CHRNA7: variants seen among roughly 807,000 people sequenced by gnomAD.
CHRNA7 encodes the protein cholinergic receptor nicotinic alpha 7 subunit.
Under a neutral mutation model 48.0 loss-of-function variants are expected in CHRNA7, and 17 were observed. The ratio of observed to expected loss-of-function variants is 0.35; its 90% CI spans 0.24 to 0.53. The LOEUF is 0.53. Among genes scored for constraint, CHRNA7 ranks in the 20% least tolerant of loss-of-function variants. CHRNA7 has a pLI of 0.92. For missense variants in CHRNA7, 155 were observed against 577.7 expected, an observed-to-expected ratio of 0.27 and a Z score of 7.50; for synonymous variants, 75 against 242.3, an observed-to-expected ratio of 0.31 and a Z score of 6.41.
intron 2 of CHRNA7, among the ~76,000 whole-genome samples, chr15:32,062,929 A>ATGGT (rs1332285812): frequency 6.6e-6 from 1 of 152,230 alleles, no homozygotes; most frequent in Non-Finnish European, 1.5e-5. Flanking sequence ...CTTAGGCTAT[A>ATGGT]TGGTAGAGCC....
At position 32,074,637 on chromosome 15, in the gene CHRNA7, A is replaced by ATTATTATTAT. The variant is rs2050107804; in HGVS notation, c.196-26665_196-26664insTATTATTATT. On this transcript the variant is annotated intron_variant, in intron 2 of 9. Transcript: ENST00000306901. ...GCTCTTGATATGAATCACATTATTA[A>ATTATTATTAT]TATTATTATTATTATTATTATTATT... is the stretch of plus-strand genomic sequence containing the variant. Among the ~76,000 whole-genome samples the ATTATTATTAT allele has an allele frequency of 2.1e-5, 3 of 141,770 alleles. No homozygotes were observed. In the Admixed American group the frequency reaches 2.1e-4, roughly 10 times the overall value. The allele number at this position is 141,770 out of a possible 152,430, so 93.0% of individuals were successfully genotyped here.
At chr15:32,045,510 A>C (rs1427098398) in intron 2 of CHRNA7, among the ~76,000 whole-genome samples, 1 of 151,920 alleles carries the variant, frequency 6.6e-6, no homozygotes, top group Non-Finnish European at 1.5e-5. Context: ...AAATACAGAG[A>C]ATTTACTAGA....
chr15:32,044,191 A>G (rs1243496265), intron 2 of CHRNA7, among the ~76,000 whole-genome samples: 1 of 152,044 alleles, frequency 6.6e-6, no homozygotes, highest in Non-Finnish European at 1.5e-5. Flanking sequence ...GACTTATTGA[A>G]TCTGTTCCTT....
chr15:32,050,102 G>T (rs1218268696), intron 2 of CHRNA7, among the ~76,000 whole-genome samples: 1 of 152,054 alleles, frequency 6.6e-6, no homozygotes, highest in Admixed American at 6.6e-5. Flanking sequence ...TTCCACTTTG[G>T]TGAATCTGAC....
intron 2 of CHRNA7, among the ~76,000 whole-genome samples, chr15:32,037,352 T>G (rs1902142210): frequency 6.6e-6 from 1 of 152,200 alleles, no homozygotes; most frequent in African/African-American, 2.4e-5. Flanking sequence ...AGTCTTGAAG[T>G]TTGGTAGTAT....
rs574598847 is a variant in CHRNA7 at position 32,048,942 on chromosome 15, A to C, written c.195+17905A>C. Among the ~76,000 whole-genome samples the C allele has an allele frequency of 6.7e-3, 1,006 of 150,576 alleles. 3 individuals are homozygous for C. Among genetic ancestry groups the C allele is most frequent in the Non-Finnish European group, 0.01 (701 of 67,892 alleles). On this transcript the variant is annotated intron_variant, in intron 2 of 9. Coordinates refer to ENST00000306901, the MANE Select transcript of CHRNA7 (RefSeq NM_000746.6). ...TTCGTTATGTACCCAGTAGTCATTCAGGAGCAGGTTGTTCAGTTTCCACGT... is the reference window on the plus strand; with the variant it reads ...TTCGTTATGTACCCAGTAGTCATTCCGGAGCAGGTTGTTCAGTTTCCACGT...
In CHRNA7 at chr15:32,167,753, G is replaced by C. The variant is rs546888782; in HGVS notation, c.991-187G>C. On this transcript the variant is annotated intron_variant, in intron 9 of 9. Transcript: ENST00000306901. The stretch of plus-strand genomic sequence containing the variant: ...CCCAGGGTGCATCAGTTTTAGTCTT[G>C]CCTCACGTTGAACTCGACTGCTTGT... 3.3e-5 allele frequency among the ~76,000 whole-genome samples: 2 copies of C among 61,452 alleles called. 1 individual carries two copies. The highest frequency in any genetic ancestry group is 1.7e-3 in the South Asian group (2 of 1,154). The allele number at this position is 61,452 out of a possible 152,430, so 40.3% of individuals were successfully genotyped here.
chr15:32,121,049 G>T (rs911554922), intron 4 of CHRNA7, among the ~76,000 whole-genome samples: 4 of 152,224 alleles, frequency 2.6e-5, no homozygotes, highest in African/African-American at 9.6e-5. Flanking sequence ...GTCTGCACAG[G>T]AGGAGACTTA....
chr15:32,112,522 A>T (rs767295348), intron 4 of CHRNA7, among the ~76,000 whole-genome samples: 2 of 152,248 alleles, frequency 1.3e-5, no homozygotes, highest in Non-Finnish European at 2.9e-5. Flanking sequence ...AAAGGCAATT[A>T]TTCAGGCAGG....
chr15:32,102,009 A>G (rs2050581164), intron 3 of CHRNA7: 1 of 152,248 alleles, frequency 6.6e-6, no homozygotes, highest in South Asian at 2.1e-4. Context: ...CTTTTTTTAA[A>G]CTGTCAGATA....
intron 3 of CHRNA7, among the ~76,000 whole-genome samples, chr15:32,110,529 T>C (rs545318982): frequency 2.0e-4 from 30 of 152,306 alleles, no homozygotes; most frequent in Middle Eastern, 3.4e-3. Context: ...ATTAGATCCT[T>C]CCAGACTTGG....
chr15:32,057,091 A>ATTGGCTGAAATCTAGCTGTTCATGG (rs2049800070), intron 2 of CHRNA7, among the ~76,000 whole-genome samples: 2 of 152,172 alleles, frequency 1.3e-5, no homozygotes, highest in African/African-American at 4.8e-5. Flanking sequence ...GCTGCCTGTG[A>ATTGGCTGAAATCTAGCTGTTCATGG]TTGGCTGAAA....
chr15:32,158,988 C>T, intron 7 of CHRNA7: 1 of 245,390 alleles, frequency 4.1e-6, no homozygotes, highest in Non-Finnish European at 7.7e-6. Context: ...TGTTACAGTA[C>T]CCAGTGTAAT....
At chr15:32,137,038 A>AAATAAAAAT (rs1555386637) in intron 4 of CHRNA7, among the ~76,000 whole-genome samples, 4 of 145,966 alleles carry the variant, frequency 2.7e-5, no homozygotes, top group African/African-American at 1.1e-4. Flanking sequence ...TCTCAAAAAA[A>AAATAAAAAT]AAAAAAAAGA....
At chr15:32,147,161 G>A (rs2141349779) in intron 4 of CHRNA7, among the ~76,000 whole-genome samples, 1 of 152,238 alleles carries the variant, frequency 6.6e-6, no homozygotes, top group Admixed American at 6.5e-5. Flanking sequence ...GCCAACTAGT[G>A]GCTAAAGAAA....
At chr15:32,062,415 C>T (rs185313126) in intron 2 of CHRNA7, among the ~76,000 whole-genome samples, 227 of 152,230 alleles carry the variant, frequency 1.5e-3, no homozygotes, top group Middle Eastern at 3.4e-3. Flanking sequence ...AGAGTTAATA[C>T]TATTATCTTT....
chr15:32,119,209 A>G (rs374019209), intron 4 of CHRNA7, among the ~76,000 whole-genome samples: 14 of 152,334 alleles, frequency 9.2e-5, no homozygotes, highest in Admixed American at 6.5e-4. Context: ...CTGGTGGACC[A>G]ATTCCCCTGT....
At chr15:32,164,943 A>G in intron 9 of CHRNA7, among the ~76,000 whole-genome samples, 1 of 108,536 alleles carries the variant, frequency 9.2e-6, no homozygotes, top group South Asian at 2.8e-4. Context: ...AAAAAAAAAA[A>G]AGACTGACTT....
chr15:32,126,684 A>C (rs1475587564), intron 4 of CHRNA7, among the ~76,000 whole-genome samples: 9 of 152,158 alleles, frequency 5.9e-5, no homozygotes, highest in African/African-American at 2.2e-4. Context: ...ATAGTGACAT[A>C]ATTCATAGAG....
Sources: allele counts gnomAD v4.1 joint callset (sites outside exome capture counted in the v4.1 genomes callset), GRCh38; gene constraint gnomAD v4.1.1; transcripts MANE v1.5; gene names NCBI Gene and HGNC (gene_info 2026-07-23, HGNC 2026-07-21).